Variants in OR2L13 observed in about 807,000 individuals in gnomAD.
OR2L13 encodes the protein olfactory receptor 2L13.
Under a neutral mutation model 15.3 loss-of-function variants are expected in OR2L13, and 14 were observed. The ratio of observed to expected loss-of-function variants is 0.91; its 90% CI spans 0.60 to 1.43. The LOEUF (loss-of-function observed/expected upper bound fraction) is 1.43. OR2L13 is among the 40% of genes most tolerant of loss of function. The probability of loss-of-function intolerance (pLI) is 0.00; values close to 1 mark genes in which losing one functional copy is unlikely to be tolerated. For missense variants in OR2L13, 367 were observed against 387.9 expected (o/e 0.95, Z 0.45); for synonymous variants, 152 against 142.9 (o/e 1.06, Z -0.45).
the OR2L13 span, chr1:248,030,279 G>A: frequency 5.3e-5 from 8 of 152,130 alleles, no homozygotes; most frequent in African/African-American, 1.9e-4. Flanking sequence ...TGATCACAGC[G>A]AAGAAGGGAC....
the OR2L13 span, among the ~76,000 whole-genome samples, chr1:247,969,748 C>T: frequency 6.6e-6 from 1 of 152,102 alleles, no homozygotes; most frequent in African/African-American, 2.4e-5. Flanking sequence ...ATTTTCAGAG[C>T]CTGAAGCTAA....
chr1:248,021,491 G>A, the OR2L13 span, among the ~76,000 whole-genome samples: 1 of 152,142 alleles, frequency 6.6e-6, no homozygotes, highest in Admixed American at 6.5e-5. Flanking sequence ...TGCCACAAAT[G>A]AACACTTCAT....
At chr1:248,004,474 GATCCA>G in the OR2L13 span, among the ~76,000 whole-genome samples, 4 of 152,104 alleles carry the variant, frequency 2.6e-5, no homozygotes, top group South Asian at 8.3e-4. Context: ...TGACTTGGTG[GATCCA>G]ATTGAAAACT....
the OR2L13 span, among the ~76,000 whole-genome samples, chr1:248,007,293 G>A: frequency 2.6e-5 from 4 of 152,126 alleles, no homozygotes; most frequent in Non-Finnish European, 4.4e-5. Flanking sequence ...AATGACTCTG[G>A]CAGTGGAGAT....
the OR2L13 span, among the ~76,000 whole-genome samples, chr1:248,071,655 G>T: frequency 1.3e-5 from 2 of 151,682 alleles, no homozygotes; most frequent in African/African-American, 4.9e-5. Flanking sequence ...GGAAATAAAG[G>T]GTATTCAATT....
chr1:248,036,290 C>G, the OR2L13 span, among the ~76,000 whole-genome samples: 1 of 151,842 alleles, frequency 6.6e-6, no homozygotes, highest in Non-Finnish European at 1.5e-5. Flanking sequence ...TATTTTGAAA[C>G]TTTCATTTAA....
At chr1:248,084,134 C>G in the OR2L13 span, 26,983 of 1,552,900 alleles carry the variant, frequency 0.017, 23 homozygotes, top group East Asian at 0.073. Flanking sequence ...CCTGCAGGAG[C>G]CCGTCAGCTG....
the OR2L13 span, among the ~76,000 whole-genome samples, chr1:248,070,722 C>A: frequency 6.6e-6 from 1 of 151,936 alleles, no homozygotes; most frequent in African/African-American, 2.4e-5. Context: ...AATTGATAGA[C>A]CACTAGCAAG....
At chr1:248,084,603 C>G in the OR2L13 span, 2 of 1,595,548 alleles carry the variant, frequency 1.3e-6, no homozygotes, top group East Asian at 4.5e-5. Flanking sequence ...CCATAATTTC[C>G]CCTGGTGTGA....
chr1:247,989,563 G>A, the OR2L13 span, among the ~76,000 whole-genome samples: 1 of 152,018 alleles, frequency 6.6e-6, no homozygotes, highest in Non-Finnish European at 1.5e-5. Context: ...TAAAAATTGT[G>A]GTTATAAATA....
the OR2L13 span, among the ~76,000 whole-genome samples, chr1:247,985,722 A>T: frequency 6.6e-6 from 1 of 151,594 alleles, no homozygotes; most frequent in Non-Finnish European, 1.5e-5. Flanking sequence ...TTACAGTCCC[A>T]CCAACAGTGT....
chr1:248,092,813 G>A (rs560513596), upstream of OR2L13, among the ~76,000 whole-genome samples: 31 of 152,056 alleles, frequency 2.0e-4, no homozygotes, highest in East Asian at 5.8e-4. Context: ...ATCCATCACC[G>A]CTCCAACTTG....
chr1:248,056,533 G>A, the OR2L13 span, among the ~76,000 whole-genome samples: 13 of 152,140 alleles, frequency 8.5e-5, no homozygotes, highest in South Asian at 4.2e-4. Context: ...TCTGCATCCC[G>A]GAGATTCTGA....
At chr1:247,950,488 T>C in the OR2L13 span, among the ~76,000 whole-genome samples, 1 of 152,190 alleles carries the variant, frequency 6.6e-6, no homozygotes, top group East Asian at 1.9e-4. Context: ...CTTTAACCCA[T>C]TTTATGTTGA....
At chr1:248,019,487 C>A in the OR2L13 span, among the ~76,000 whole-genome samples, 1 of 152,126 alleles carries the variant, frequency 6.6e-6, no homozygotes, top group Non-Finnish European at 1.5e-5. Context: ...ACTGACTATA[C>A]TTTTATGGTT....
chr1:248,090,958 T>C (rs1365678472), upstream of OR2L13, among the ~76,000 whole-genome samples: 1 of 152,108 alleles, frequency 6.6e-6, no homozygotes, highest in African/African-American at 2.4e-5. Flanking sequence ...ATTTTTAGAT[T>C]TTTTTAGTAA....
the OR2L13 span, chr1:248,084,071 G>T: frequency 5.4e-5 from 87 of 1,611,588 alleles, no homozygotes; most frequent in African/African-American, 1.1e-3. Context: ...CCTCGCAGAA[G>T]AAGTGATCGA....
At chr1:248,061,123 T>C in the OR2L13 span, 1 of 1,613,864 alleles carries the variant, frequency 6.2e-7, no homozygotes, top group Non-Finnish European at 8.5e-7. Context: ...AACAGGGTCT[T>C]GGATCATAGG....
At chr1:247,965,591 T>A in the OR2L13 span, 2 of 1,588,854 alleles carry the variant, frequency 1.3e-6, no homozygotes, top group South Asian at 1.2e-5. Flanking sequence ...GTTGACCTCA[T>A]GTACATCTCC....
Sources: allele counts gnomAD v4.1 joint callset (sites outside exome capture counted in the v4.1 genomes callset), GRCh38; gene constraint gnomAD v4.1.1; transcripts MANE v1.5; gene names NCBI Gene and HGNC (gene_info 2026-07-23, HGNC 2026-07-21).